Variants in PRR33 observed in about 807,000 individuals in gnomAD.
The protein encoded by PRR33 is proline-rich protein 33.
PRR33 carries 1 observed loss-of-function variant against 0.5 expected under a neutral mutation model. The observed-to-expected ratio is 2.18, with a 90% CI of 0.77 to 10.34. The LOEUF (loss-of-function observed/expected upper bound fraction) is 10.34, where lower values mean the gene tolerates loss of function less well. Ranked by LOEUF, PRR33 falls within the 30% of genes most tolerant of loss-of-function variation. The pLI, the probability that PRR33 is intolerant of heterozygous loss-of-function variation, is 0.13. For missense variants in PRR33, 552 were observed against 251.8 expected, an observed-to-expected ratio of 2.19 and a Z score of -8.07; for synonymous variants, 226 against 110.0, an observed-to-expected ratio of 2.06 and a Z score of -6.60.
upstream of PRR33, among the ~76,000 whole-genome samples, chr11:1,894,475 AC>A (rs376267953): frequency 1.8e-3 from 269 of 150,990 alleles, no homozygotes; most frequent in Middle Eastern, 0.01. Context: ...GGCTCAAGCG[AC>A]CCCCCCTGCC....
the PRR33 span, among the ~76,000 whole-genome samples, chr11:1,899,859 C>T: frequency 1.6e-4 from 24 of 152,026 alleles, no homozygotes; most frequent in Admixed American, 1.2e-3. Context: ...CCAGAAAACA[C>T]GCATTGAAAA....
chr11:1,897,279 C>T, the PRR33 span, among the ~76,000 whole-genome samples: 5 of 152,196 alleles, frequency 3.3e-5, no homozygotes, highest in African/African-American at 1.2e-4. The surrounding 1 kb of genome is among the most constrained non-coding windows in gnomAD (Gnocchi z 4.0). Flanking sequence ...CGATTTCCCC[C>T]TTTAGACATT....
At chr11:1,890,748 G>A in exon 1 of PRR33, 2 of 601,844 alleles carry the variant, frequency 3.3e-6, no homozygotes, top group Non-Finnish European at 5.9e-6. Context: ...GACATGCTGA[G>A]CTCGACTGTG....
exon 1 of PRR33, chr11:1,890,808 G>A: frequency 5.2e-6 from 3 of 580,158 alleles, no homozygotes; most frequent in Non-Finnish European, 6.1e-6. Context: ...TAGAAATGAG[G>A]CCACAGAGGC....
the PRR33 span, among the ~76,000 whole-genome samples, chr11:1,910,955 A>G: frequency 6.6e-6 from 1 of 152,162 alleles, no homozygotes; most frequent in Admixed American, 6.5e-5. Context: ...CTTTTTAGAT[A>G]GTGAAAACTA....
At chr11:1,898,298 A>T in the PRR33 span, among the ~76,000 whole-genome samples, 1 of 151,018 alleles carries the variant, frequency 6.6e-6, no homozygotes, top group Admixed American at 6.6e-5. Flanking sequence ...GGCGCCAGCC[A>T]TGTCTCGGCT....
the PRR33 span, among the ~76,000 whole-genome samples, chr11:1,907,442 C>T: frequency 6.6e-6 from 1 of 152,202 alleles, no homozygotes; most frequent in Non-Finnish European, 1.5e-5. Flanking sequence ...GATGGAGTCT[C>T]GCTCTGTTGT....
chr11:1,890,852 TC>T lies in PRR33; in HGVS notation c.-269del. The T allele has an allele frequency of 2.0e-6, 1 of 510,436 alleles. No homozygotes were observed. Among genetic ancestry groups the T allele is most frequent in the Non-Finnish European group, 3.5e-6 (1 of 284,272 alleles). The allele number at this position is 510,436 out of a possible 1,614,324, so 31.6% of individuals were successfully genotyped here. On this transcript the variant is annotated 5_prime_UTR_variant, in exon 1 of 1. It removes the in-frame stop codon of an upstream open reading frame in the 5' UTR. Coordinates refer to ENST00000640310, the Ensembl canonical transcript of PRR33. ...TCCAGGGATGGGGCTAGAACCTGCCTCCAGGGCTCTGTCCTCCATGCCACCC... is the reference window on the plus strand; with the variant it reads ...TCCAGGGATGGGGCTAGAACCTGCCTCAGGGCTCTGTCCTCCATGCCACCC...
At chr11:1,905,069 C>G in the PRR33 span, among the ~76,000 whole-genome samples, 1 of 148,222 alleles carries the variant, frequency 6.7e-6, no homozygotes, top group African/African-American at 2.5e-5. Context: ...GTTTAATTTG[C>G]TTTTCTTTTT....
the PRR33 span, among the ~76,000 whole-genome samples, chr11:1,904,202 T>C: frequency 2.0e-5 from 3 of 152,204 alleles, no homozygotes; most frequent in African/African-American, 7.2e-5. Context: ...CTGGAAGCTC[T>C]ACGCCAGATC....
chr11:1,907,602 C>A, the PRR33 span, among the ~76,000 whole-genome samples: 1 of 152,116 alleles, frequency 6.6e-6, no homozygotes, highest in Non-Finnish European at 1.5e-5. Context: ...TTAGTAGAGA[C>A]AGGGTTTTGC....
At chr11:1,890,139 A>T in exon 1 of PRR33, 1 of 717,092 alleles carries the variant, frequency 1.4e-6, no homozygotes, top group East Asian at 2.7e-5. Flanking sequence ...CTGGGGCCCC[A>T]TGGCCCTGAA....
chr11:1,905,492 A>G, the PRR33 span, among the ~76,000 whole-genome samples: 14 of 131,138 alleles, frequency 1.1e-4, no homozygotes, highest in African/African-American at 3.3e-4. Context: ...AGGCTGGAGT[A>G]CAGTGGCGTG....
chr11:1,911,955 G>A, the PRR33 span, among the ~76,000 whole-genome samples: 8 of 132,776 alleles, frequency 6.0e-5, no homozygotes, highest in Admixed American at 5.0e-4. Flanking sequence ...GAGGCCTGGA[G>A]TTTGAGACCA....
chr11:1,902,241 A>AC, the PRR33 span, among the ~76,000 whole-genome samples: 42 of 151,958 alleles, frequency 2.8e-4, 1 homozygote, highest in Admixed American at 5.2e-4. Context: ...CAAAAAAAAA[A>AC]AAAAAACACA....
chr11:1,891,371 C>G (rs1848994606), exon 1 of PRR33: 1 of 150,230 alleles, frequency 6.7e-6, no homozygotes, highest in East Asian at 2.0e-4. Context: ...CTGGCTCTGC[C>G]AAGGCAAGAA....
At chr11:1,891,627 T>G (rs1393864095) in exon 1 of PRR33, 1 of 153,352 alleles carries the variant, frequency 6.5e-6, no homozygotes. Context: ...CGTCTTCTCC[T>G]GTGGTGGAGT....
chr11:1,903,655 C>T, the PRR33 span, among the ~76,000 whole-genome samples: 2 of 152,174 alleles, frequency 1.3e-5, no homozygotes, highest in Admixed American at 6.5e-5. Flanking sequence ...TTTCTGTAAA[C>T]ATCTGCCGCG....
chr11:1,899,208 G>A, the PRR33 span, among the ~76,000 whole-genome samples: 1 of 152,152 alleles, frequency 6.6e-6, no homozygotes, highest in African/African-American at 2.4e-5. Flanking sequence ...TGGGATGCCA[G>A]CTGCTTCTGG....
Sources: gnomAD v4.1 joint callset for allele counts (sites outside exome capture counted in the v4.1 genomes callset) on GRCh38, gnomAD v4.1.1 for gene constraint, Gnocchi (gnomAD v3.1) non-coding constraint, MANE v1.5 for transcripts, NCBI Gene and HGNC (gene_info 2026-07-23, HGNC 2026-07-21) for gene names.